Variants in PTPRM observed in about 807,000 individuals in gnomAD.
The protein encoded by PTPRM is receptor-type tyrosine-protein phosphatase mu.
In PTPRM, 47 loss-of-function variants were observed where a neutral mutation model predicts 186.7. That is an observed-to-expected ratio of 0.25 (90% confidence interval 0.20 to 0.32). The LOEUF is 0.32. Among genes scored for constraint, PTPRM ranks in the 10% least tolerant of loss-of-function variants. The probability of loss-of-function intolerance (pLI) is 1.00; values close to 1 mark genes in which losing one functional copy is unlikely to be tolerated. For missense variants in PTPRM, 1,494 were observed against 1,865.0 expected (o/e 0.80, Z 3.66); for synonymous variants, 668 against 674.9 (o/e 0.99, Z 0.16).
At chr18:8,193,028 T>C (rs985937202) in intron 14 of PTPRM, among the ~76,000 whole-genome samples, 6 of 152,216 alleles carry the variant, frequency 3.9e-5, no homozygotes, top group Non-Finnish European at 7.3e-5. Context: ...GAATGTAGGC[T>C]TCCCATTAAG....
intron 7 of PTPRM, among the ~76,000 whole-genome samples, chr18:8,008,799 C>T (rs150203560): frequency 2.6e-5 from 4 of 152,274 alleles, no homozygotes; most frequent in African/African-American, 7.2e-5. Flanking sequence ...TCCCTCCAGA[C>T]GCCATCATTT....
At chr18:7,594,422 T>C (rs959761059) in intron 1 of PTPRM, among the ~76,000 whole-genome samples, 3 of 151,940 alleles carry the variant, frequency 2.0e-5, no homozygotes, top group East Asian at 1.9e-4. Flanking sequence ...AGAGGTTGCA[T>C]TGAGCCGAGA....
intron 2 of PTPRM, among the ~76,000 whole-genome samples, chr18:7,841,281 CTTTTTTT>C (rs34688860): frequency 5.1e-4 from 36 of 70,214 alleles, no homozygotes; most frequent in Non-Finnish European, 8.6e-4. Flanking sequence ...CAAATCATTT[CTTTTTTT>C]TTTTTTTTTT....
chr18:8,360,612 G>A (rs970870126), intron 23 of PTPRM, among the ~76,000 whole-genome samples: 1 of 152,162 alleles, frequency 6.6e-6, no homozygotes, highest in Non-Finnish European at 1.5e-5. Context: ...TATTGCACTG[G>A]ATTACTTGCT....
intron 17 of PTPRM, among the ~76,000 whole-genome samples, chr18:8,248,831 A>G (rs953437150): frequency 2.0e-5 from 3 of 152,232 alleles, no homozygotes; most frequent in African/African-American, 7.2e-5. Flanking sequence ...TATGTGTCAG[A>G]TGTCACTAGA....
intron 2 of PTPRM, among the ~76,000 whole-genome samples, chr18:7,811,327 A>T (rs1174997079): frequency 6.6e-6 from 1 of 152,150 alleles, no homozygotes; most frequent in Non-Finnish European, 1.5e-5. Context: ...GGGGCTTTGC[A>T]TAGGCTTTGC....
intron 2 of PTPRM, among the ~76,000 whole-genome samples, chr18:7,837,113 G>A (rs780893042): frequency 6.6e-6 from 1 of 152,086 alleles, no homozygotes; most frequent in Non-Finnish European, 1.5e-5. Context: ...TTAAAGGCCA[G>A]CAACTCCTTT....
intron 14 of PTPRM, among the ~76,000 whole-genome samples, chr18:8,202,260 AT>A (rs1440078402): frequency 6.6e-6 from 1 of 152,168 alleles, no homozygotes; most frequent in Non-Finnish European, 1.5e-5. Context: ...ATCAAATTCC[AT>A]TTTCCCAGCC....
chr18:7,960,525 A>G (rs1269928514), intron 7 of PTPRM, among the ~76,000 whole-genome samples: 3 of 150,352 alleles, frequency 2.0e-5, no homozygotes, highest in Non-Finnish European at 4.4e-5. Context: ...CCAAGGCAGG[A>G]GGACTGCTTG....
In PTPRM at chr18:7,824,318, A is replaced by T. The variant is rs373481726; in HGVS notation, c.196+50047A>T. On this transcript the variant is annotated intron_variant, in intron 2 of 32. Transcript: ENST00000580170. ...CACTGTTCTGCGGGTGACATCAGTC[A>T]GGAGAGTGCGCACCAGTCATGGTGG... is the stretch of plus-strand genomic sequence containing the variant. 5.9e-5 allele frequency among the ~76,000 whole-genome samples: 9 copies of T among 152,286 alleles called. No homozygotes were observed. In the South Asian group the frequency reaches 1.9e-3, roughly 32 times the overall value.
chr18:7,650,635 G>A (rs2038678077), intron 1 of PTPRM, among the ~76,000 whole-genome samples: 1 of 151,968 alleles, frequency 6.6e-6, no homozygotes, highest in Non-Finnish European at 1.5e-5. Flanking sequence ...ATTCCTAGAA[G>A]GAAGACTCTT....
chr18:7,902,834 C>CTGT lies in PTPRM; in HGVS notation c.469-3670_469-3669insGTT, dbSNP rs375304011. 6.8e-3 allele frequency among the ~76,000 whole-genome samples: 883 copies of CTGT among 130,066 alleles called. 11 individuals are homozygous for CTGT. The highest frequency in any genetic ancestry group is 0.023 in the African/African-American group (816 of 35,418). 85.3% of individuals were successfully genotyped at this position (130,066 alleles called of 152,430 possible). A position where few individuals can be genotyped will look rare whatever the true frequency, so the allele number is the denominator to read the frequency against. ...CTTCCAGGTCTCAGATCTTCTCTGC[C>CTGT]TTTTTTTTTTTTTTTTTGTACTCTC... On this transcript the variant is annotated intron_variant, in intron 3 of 32. Coordinates refer to ENST00000580170, the MANE Select transcript of PTPRM (RefSeq NM_001105244.2).
chr18:7,992,271 A>T (rs9945054), intron 7 of PTPRM, among the ~76,000 whole-genome samples: 5,107 of 152,222 alleles, frequency 0.034, 280 homozygotes, highest in African/African-American at 0.12. Context: ...CTATCTGCCT[A>T]TATCATTCAC....
intron 1 of PTPRM, among the ~76,000 whole-genome samples, chr18:7,735,052 G>A (rs2040739148): frequency 6.6e-6 from 1 of 152,180 alleles, no homozygotes; most frequent in African/African-American, 2.4e-5. Context: ...GAAAGGAAGT[G>A]GGGACCAGGC....
At chr18:8,176,976 C>G (rs961539531) in intron 14 of PTPRM, among the ~76,000 whole-genome samples, 2 of 152,138 alleles carry the variant, frequency 1.3e-5, no homozygotes, top group African/African-American at 4.8e-5. Context: ...TTTTGACCCT[C>G]CTTTTTTCTG....
chr18:7,776,455 C>T (rs1341417776), intron 2 of PTPRM, among the ~76,000 whole-genome samples: 1 of 151,994 alleles, frequency 6.6e-6, no homozygotes, highest in Non-Finnish European at 1.5e-5. Flanking sequence ...GTTGCTCCAT[C>T]AGATTAAATA....
chr18:7,590,169 A>T (rs547618533), intron 1 of PTPRM, among the ~76,000 whole-genome samples: 1 of 152,354 alleles, frequency 6.6e-6, no homozygotes, highest in South Asian at 2.1e-4. Context: ...GAAAATGACG[A>T]AGCACAGGGA....
intron 2 of PTPRM, among the ~76,000 whole-genome samples, chr18:7,811,016 T>G (rs1053808532): frequency 6.6e-6 from 1 of 152,224 alleles, no homozygotes; most frequent in African/African-American, 2.4e-5. Context: ...GCCCAGTAAT[T>G]TTTTTTCAAC....
chr18:8,156,996 G>A (rs1347624120), intron 14 of PTPRM, among the ~76,000 whole-genome samples: 1 of 152,122 alleles, frequency 6.6e-6, no homozygotes, highest in Non-Finnish European at 1.5e-5. Context: ...ATCTTGTTAA[G>A]TTTTAGAGGA....
Sources: gnomAD v4.1 joint callset for allele counts (sites outside exome capture counted in the v4.1 genomes callset) on GRCh38, gnomAD v4.1.1 for gene constraint, MANE v1.5 for transcripts, NCBI Gene and HGNC (gene_info 2026-07-23, HGNC 2026-07-21) for gene names.